PCDHGC4: variants seen among roughly 807,000 people sequenced by gnomAD.
The protein encoded by PCDHGC4 is protocadherin gamma-C4.
Under a neutral mutation model 59.7 loss-of-function variants are expected in PCDHGC4, and 15 were observed. The observed-to-expected ratio is 0.25, with a 90% confidence interval of 0.17 to 0.39. PCDHGC4 has a LOEUF of 0.39. PCDHGC4 is among the 10% of genes least tolerant of loss of function. The pLI is 1.00. For missense variants in PCDHGC4, 1,016 were observed against 1,189.5 expected, an observed-to-expected ratio of 0.85 and a Z score of 2.15; for synonymous variants, 434 against 481.4, an observed-to-expected ratio of 0.90 and a Z score of 1.29.
intron 3 of PCDHGC4, among the ~76,000 whole-genome samples, chr5:141,509,781 T>TCATC (rs1198131164): frequency 6.6e-6 from 1 of 152,116 alleles, no homozygotes; most frequent in Non-Finnish European, 1.5e-5. Flanking sequence ...GTCCCCGAGA[T>TCATC]CATCATCTCC....
intron 3 of PCDHGC4, among the ~76,000 whole-genome samples, chr5:141,508,616 G>T (rs1007206932): frequency 6.6e-6 from 1 of 152,114 alleles, no homozygotes; most frequent in African/African-American, 2.4e-5. Flanking sequence ...ATAGGACGTG[G>T]GTGGGCCGAG....
rs866710706 is a variant in PCDHGC4, at chr5:141,485,167, G to A, written c.-7G>A. On this transcript the variant is annotated 5_prime_UTR_variant, in exon 1 of 4. Transcript: ENST00000306593. The surrounding 1 kb of genome is among the most constrained non-coding windows in gnomAD (Gnocchi z 5.7). ...AGGAGCAAGTAGAGAATTAGCGGGC[G>A]GCAGCAATGCTCCGCAAGGTGAGAA... The A allele has an allele frequency of 6.2e-7, 1 of 1,608,386 alleles. No homozygotes were observed.
intron 2 of PCDHGC4, among the ~76,000 whole-genome samples, chr5:141,503,203 A>G (rs10477147): frequency 0.037 from 5,590 of 152,130 alleles, 132 homozygotes; most frequent in South Asian, 0.073. Flanking sequence ...TCAGCCTCTC[A>G]GTGCCCACCA....
intron 2 of PCDHGC4, among the ~76,000 whole-genome samples, chr5:141,499,265 C>T (rs1220250999): frequency 6.6e-6 from 1 of 152,128 alleles, no homozygotes; most frequent in African/African-American, 2.4e-5. Context: ...CATTTGGTCC[C>T]TAGACTGTTC....
At chr5:141,507,809 C>G (rs866898784) in intron 3 of PCDHGC4, among the ~76,000 whole-genome samples, 1 of 152,206 alleles carries the variant, frequency 6.6e-6, no homozygotes, top group Non-Finnish European at 1.5e-5. Context: ...CCCTGGGGAA[C>G]GGACCCTGGG....
intron 2 of PCDHGC4, among the ~76,000 whole-genome samples, chr5:141,501,109 C>G (rs909874167): frequency 2.0e-5 from 3 of 152,106 alleles, no homozygotes; most frequent in Non-Finnish European, 4.4e-5. Context: ...CCTCGTGATC[C>G]GCCTGCCTCA....
In PCDHGC4 at chr5:141,486,043, A is replaced by G. The variant is rs1193580610; in HGVS notation, c.870A>G (p.Arg290=). 6.2e-7 allele frequency: 1 copy of G among 1,614,050 alleles called. No homozygotes were observed. Among genetic ancestry groups the G allele is most frequent in the African/African-American group, 1.3e-5 (1 of 74,918 alleles). ...YFSGHTPDRV[R]NLFSLHPTTG... is the part of the protein sequence containing the mutation. ...GTGGTCATACCCCTGATCGTGTAAG[A>G]AACCTCTTTAGCCTGCACCCCACTA... The change falls in exon 1 of 4, where the codon AGA becomes AGG. Residue 290 remains arginine, a synonymous_variant. Transcript: ENST00000306593. This position sits in a 1 kb window ranked among gnomAD's most constrained non-coding sequence, Gnocchi z 5.0.
At position 141,487,915 on chromosome 5, in the gene PCDHGC4, G is replaced by T; in HGVS notation, c.2442+300G>T. The T allele has an allele frequency of 1.5e-6, 1 of 655,128 alleles. No homozygotes were observed. Among genetic ancestry groups the T allele is most frequent in the Middle Eastern group, 3.5e-4 (1 of 2,862 alleles). The allele number at this position is 655,128 out of a possible 1,614,324, so 40.6% of individuals were successfully genotyped here. ...GATGATGGAATGTGGGAGCACAGGA[G>T]GCTACAGTGCACAGGGTACAGTGCA... On this transcript the variant is annotated intron_variant, in intron 1 of 3. Coordinates refer to ENST00000306593, the MANE Select transcript of PCDHGC4 (RefSeq NM_018928.3). This position sits in a 1 kb window ranked among gnomAD's most constrained non-coding sequence, Gnocchi z 5.0.
chr5:141,490,837 G>A lies in PCDHGC4; in HGVS notation c.2442+3222G>A. On this transcript the variant is annotated intron_variant, in intron 1 of 3. Coordinates refer to ENST00000306593, the MANE Select transcript of PCDHGC4 (RefSeq NM_018928.3). This position sits in a 1 kb window ranked among gnomAD's most constrained non-coding sequence, Gnocchi z 5.4. ...TGAATTGCTGCAGATGCTGCAGATTGTGGTGGGGGTTCGAGACTCCGGCTC... is the reference window on the plus strand; with the variant it reads ...TGAATTGCTGCAGATGCTGCAGATTATGGTGGGGGTTCGAGACTCCGGCTC... The A allele has an allele frequency of 1.9e-6, 3 of 1,613,914 alleles. No homozygotes were observed. The highest frequency in any genetic ancestry group is 2.2e-5 in the South Asian group (2 of 91,072).
In PCDHGC4 at chr5:141,486,853, C is replaced by T. The variant is rs1401626024; in HGVS notation, c.1680C>T (p.Asp560=). The stretch of plus-strand genomic sequence containing the variant: ...GTCTATTTGTGCTGGACCTCAATGA[C>T]AATGCTCCAGCTGTGCTCCGTCCTC... ...TVRLFVLDLN[D]NAPAVLRPRA... The change falls in exon 1 of 4, where the codon GAC becomes GAT. Residue 560 remains aspartate, a synonymous_variant. Coordinates refer to ENST00000306593, the MANE Select transcript of PCDHGC4 (RefSeq NM_018928.3). This position sits in a 1 kb window ranked among gnomAD's most constrained non-coding sequence, Gnocchi z 5.0. 6.2e-7 allele frequency: 1 copy of T among 1,614,244 alleles called. No individual in the cohort carries two copies. The highest frequency in any genetic ancestry group is 2.2e-5 in the East Asian group (1 of 44,886).
chr5:141,510,323 C>A (rs1173679711), intron 3 of PCDHGC4, among the ~76,000 whole-genome samples: 1 of 151,234 alleles, frequency 6.6e-6, no homozygotes, highest in East Asian at 2.0e-4. Flanking sequence ...TGGAAGAGCA[C>A]TCTTCACCCC....
At chr5:141,502,082 G>A (rs538827992) in intron 2 of PCDHGC4, among the ~76,000 whole-genome samples, 1 of 152,252 alleles carries the variant, frequency 6.6e-6, no homozygotes, top group Non-Finnish European at 1.5e-5. Flanking sequence ...ACCTGGGGCT[G>A]AGAACACCTG....
Position 141,486,904 on chromosome 5 carries a change from C to G in PCDHGC4, c.1731C>G (p.Pro577=). The change falls in exon 1 of 4, where the codon CCC becomes CCG. Residue 577 remains proline (P), a synonymous_variant. Transcript: ENST00000306593. This position sits in a 1 kb window ranked among gnomAD's most constrained non-coding sequence, Gnocchi z 5.0. ...RPRARPGSLC[P]QALPPSVGAG... is the part of the protein sequence containing the mutation. The stretch of plus-strand genomic sequence containing the variant: ...GGGCCCGGCCTGGTTCCTTATGTCC[C>G]CAAGCACTGCCTCCATCAGTTGGTG... 6.2e-7 allele frequency: 1 copy of G among 1,614,226 alleles called. No individual in the cohort carries two copies. The highest frequency in any genetic ancestry group is 1.1e-5 in the South Asian group (1 of 91,080).
rs770596172 is a variant in PCDHGC4, at chr5:141,487,664, G to A, written c.2442+49G>A. ...AATGCTTGAGGGTTATTCTGATCCA[G>A]GCATATGGCTAGGCCATGTCCTAGA... On this transcript the variant is annotated intron_variant, in intron 1 of 3. Transcript: ENST00000306593. The surrounding 1 kb of genome is among the most constrained non-coding windows in gnomAD (Gnocchi z 5.0). 1.9e-5 allele frequency: 31 copies of A among 1,613,048 alleles called. No individual in the cohort carries two copies. The South Asian group carries it at 3.4e-4, about 18-fold the overall frequency.
In PCDHGC4 at chr5:141,487,568, C is replaced by T. The variant is rs752378906; in HGVS notation, c.2395C>T (p.Pro799Ser). The part of the protein sequence containing the change: ...KSPSAPMAGE[P>S]VRPSCPPSDL... Reference sequence around the variant, plus strand: ...ACCCAGTGCACCTATGGCAGGGGAGCCTGTTCGCCCAAGCTGCCCACCCTC... The same window carrying T: ...ACCCAGTGCACCTATGGCAGGGGAGTCTGTTCGCCCAAGCTGCCCACCCTC... Residue 799 changes from proline to serine, a missense_variant, in exon 1 of 4, where the codon CCT becomes TCT. Transcript: ENST00000306593. This position sits in a 1 kb window ranked among gnomAD's most constrained non-coding sequence, Gnocchi z 5.0. The T allele has an allele frequency of 1.2e-6, 2 of 1,614,180 alleles. No individual in the cohort carries two copies. The highest frequency in any genetic ancestry group is 1.7e-6 in the Non-Finnish European group (2 of 1,180,042).
At chr5:141,506,487 G>A (rs1265051912) in intron 3 of PCDHGC4, among the ~76,000 whole-genome samples, 3 of 150,464 alleles carry the variant, frequency 2.0e-5, no homozygotes, top group Non-Finnish European at 4.4e-5. Flanking sequence ...TTAGAGGCAG[G>A]CCAATCTGGA....
chr5:141,503,654 G>C (rs1248501987), intron 2 of PCDHGC4, among the ~76,000 whole-genome samples: 1 of 150,388 alleles, frequency 6.6e-6, no homozygotes, highest in Non-Finnish European at 1.5e-5. Flanking sequence ...AATGGAAACA[G>C]AATTACAACT....
At position 141,491,700 on chromosome 5, in the gene PCDHGC4, G is replaced by A. The variant is rs1199177466; in HGVS notation, c.2443-3107G>A. 3.1e-6 allele frequency: 5 copies of A among 1,611,830 alleles called. No homozygotes were observed. The highest frequency in any genetic ancestry group is 4.2e-6 in the Non-Finnish European group (5 of 1,179,142). On this transcript the variant is annotated intron_variant, in intron 1 of 3. Coordinates refer to ENST00000306593, the MANE Select transcript of PCDHGC4 (RefSeq NM_018928.3). The surrounding 1 kb of genome is among the most constrained non-coding windows in gnomAD (Gnocchi z 6.9). ...CTAATACGCTGCGGGAGCGGAGCCA[G>A]GTGAGGGGCTCGGCGCCGCCCCGGG...
In PCDHGC4 at chr5:141,512,470, T is replaced by G. The variant is rs2099884244; in HGVS notation, c.*1297T>G. On this transcript the variant is annotated 3_prime_UTR_variant, in exon 4 of 4. Transcript: ENST00000306593. ...TTCACCTTGCCAGGTGCCGTTTCTC[T>G]TCCGTGAAGGCCACTGCCCAGGTCC... 6.5e-6 allele frequency: 1 copy of G among 152,892 alleles called. No individual in the cohort carries two copies. The highest frequency in any genetic ancestry group is 2.1e-4 in the South Asian group (1 of 4,834). 9.5% of individuals were successfully genotyped at this position (152,892 alleles called of 1,614,324 possible).
Sources: gnomAD v4.1 joint callset for allele counts (sites outside exome capture counted in the v4.1 genomes callset) on GRCh38, gnomAD v4.1.1 for gene constraint, Gnocchi (gnomAD v3.1) non-coding constraint, MANE v1.5 for transcripts, NCBI Gene and HGNC (gene_info 2026-07-23, HGNC 2026-07-21) for gene names.